ATG7: variants seen among roughly 807,000 people sequenced by gnomAD.
ATG7 encodes ubiquitin-like modifier-activating enzyme ATG7.
In ATG7, 70 loss-of-function variants were observed where a neutral mutation model predicts 82.4. The observed-to-expected ratio is 0.85, with a 90% CI of 0.70 to 1.04. ATG7 has a LOEUF of 1.04. Ranked by LOEUF, ATG7 falls within the 50% of genes least tolerant of loss-of-function variation. The pLI, the probability that ATG7 is intolerant of heterozygous loss-of-function variation, is 0.00. For missense variants in ATG7, 792 were observed against 864.3 expected (o/e 0.92, Z 1.05); for synonymous variants, 287 against 313.0 (o/e 0.92, Z 0.88).
Position 11,555,746 on chromosome 3 carries a change from C to T in ATG7, c.*903C>T, listed in dbSNP as rs1050510603. The T allele has an allele frequency of 6.6e-6, 1 of 152,266 alleles. No individual in the cohort carries two copies. Among genetic ancestry groups the T allele is most frequent in the African/African-American group, 2.4e-5 (1 of 41,378 alleles). The allele number at this position is 152,266 out of a possible 1,614,324, so 9.4% of individuals were successfully genotyped here. On this transcript the variant is annotated 3_prime_UTR_variant, in exon 21 of 21. Transcript: ENST00000693202. ...TTCTGGGTGTGTGCAGCTGTGAGGC[C>T]CCAACCCAGGAGAGGCCATGGCCTA...
intron 19 of ATG7, among the ~76,000 whole-genome samples, chr3:11,382,867 C>T (rs1052731801): frequency 6.6e-6 from 1 of 152,166 alleles, no homozygotes; most frequent in Non-Finnish European, 1.5e-5. Flanking sequence ...ACACTTTACC[C>T]ACATTCATCC....
At chr3:11,355,522 C>G (rs1156700634) in intron 14 of ATG7, among the ~76,000 whole-genome samples, 1 of 152,108 alleles carries the variant, frequency 6.6e-6, no homozygotes. Flanking sequence ...TCAAGACACA[C>G]AAAGCAACTT....
chr3:11,360,596 G>C lies in ATG7; in HGVS notation c.1495G>C (p.Ala499Pro), dbSNP rs2076224569. ...ASKRKLVINAALGFDTFVVMR... is the reference protein window; with the variant it reads ...ASKRKLVINAPLGFDTFVVMR... ...AAACCTGCAGCTGGTCATCAATGCT[G>C]CTTTGGGATTTGACACATTTGTTGT... The change falls in exon 16 of 21, where the codon GCT becomes CCT. Residue 499 changes from alanine (A) to proline (P), a missense_variant. Coordinates refer to ENST00000693202, the MANE Select transcript of ATG7 (RefSeq NM_001349232.2). 1 of 1,613,782 alleles carries C rather than the reference G, an allele frequency of 6.2e-7. No homozygotes were observed. The highest frequency in any genetic ancestry group is 8.5e-7 in the Non-Finnish European group (1 of 1,179,974).
At chr3:11,404,125 AT>A (rs10591303) in intron 19 of ATG7, among the ~76,000 whole-genome samples, 5,318 of 76,734 alleles carry the variant, frequency 0.069, 88 homozygotes, top group African/African-American at 0.13. Context: ...AACCAGCTCA[AT>A]TTTTTTTTTT....
At chr3:11,487,042 G>A (rs1436579469) in intron 20 of ATG7, among the ~76,000 whole-genome samples, 1 of 151,274 alleles carries the variant, frequency 6.6e-6, no homozygotes, top group East Asian at 2.0e-4. Context: ...GACTCTTAAC[G>A]AGCATGCTGC....
chr3:11,491,855 G>T (rs534478223), intron 20 of ATG7, among the ~76,000 whole-genome samples: 1 of 152,140 alleles, frequency 6.6e-6, no homozygotes, highest in African/African-American at 2.4e-5. Context: ...AGGAGTACCC[G>T]GCCGTGTGAG....
chr3:11,438,422 C>T (rs2083561931), intron 20 of ATG7, among the ~76,000 whole-genome samples: 2 of 152,096 alleles, frequency 1.3e-5, no homozygotes, highest in Non-Finnish European at 2.9e-5. Context: ...AGATTTTAGC[C>T]AGGCGTGGTG....
chr3:11,422,503 G>A (rs1040566862), intron 19 of ATG7, among the ~76,000 whole-genome samples: 8 of 152,112 alleles, frequency 5.3e-5, no homozygotes, highest in Non-Finnish European at 1.0e-4. Flanking sequence ...GCTTTGCTCT[G>A]GATTGGGCTT....
chr3:11,503,389 A>G (rs1303026794), intron 20 of ATG7, among the ~76,000 whole-genome samples: 2 of 152,252 alleles, frequency 1.3e-5, no homozygotes, highest in African/African-American at 4.8e-5. Flanking sequence ...GTAAGAACAT[A>G]TAATATGTAC....
intron 20 of ATG7, among the ~76,000 whole-genome samples, chr3:11,544,873 C>T (rs1661469088): frequency 6.6e-6 from 1 of 152,210 alleles, no homozygotes; most frequent in African/African-American, 2.4e-5. Context: ...GGTGACCAGA[C>T]AGACCAGGCC....
At chr3:11,350,535 A>T (rs1360705131) in intron 14 of ATG7, among the ~76,000 whole-genome samples, 1 of 152,212 alleles carries the variant, frequency 6.6e-6, no homozygotes. Flanking sequence ...AGGAACAGTC[A>T]TGTGGGTCCT....
chr3:11,543,308 G>C (rs2125033481), intron 20 of ATG7, among the ~76,000 whole-genome samples: 1 of 152,322 alleles, frequency 6.6e-6, no homozygotes, highest in Non-Finnish European at 1.5e-5. Flanking sequence ...GTGCTCTCTG[G>C]ACTGGCAGCA....
At position 11,313,298 on chromosome 3, in the gene ATG7, T is replaced by C. The variant is rs908281343; in HGVS notation, c.412-6T>C. On this transcript the variant is annotated splice_region_variant and splice_polypyrimidine_tract_variant and intron_variant, in intron 7 of 20. Coordinates refer to ENST00000693202, the MANE Select transcript of ATG7 (RefSeq NM_001349232.2). ...TCTAATAACTTATTTATACTTTTTT[T>C]TCTAGGATCTAAAGAAGTACCACTT... The C allele has an allele frequency of 9.6e-6, 15 of 1,561,762 alleles. No homozygotes were observed. Among genetic ancestry groups the C allele is most frequent in the Non-Finnish European group, 1.3e-5 (15 of 1,139,974 alleles).
chr3:11,539,474 T>TGGAAGGAACA (rs2070641280), intron 20 of ATG7, among the ~76,000 whole-genome samples: 1 of 152,014 alleles, frequency 6.6e-6, no homozygotes, highest in South Asian at 2.1e-4. Context: ...AAGGTTGGGC[T>TGGAAGGAACA]GGAAGGATTC....
chr3:11,389,575 T>C (rs1193081567), intron 19 of ATG7, among the ~76,000 whole-genome samples: 1 of 152,146 alleles, frequency 6.6e-6, no homozygotes, highest in African/African-American at 2.4e-5. Context: ...AAATACCGCC[T>C]GTGTGGGCCT....
At chr3:11,490,287 T>C (rs2090205650) in intron 20 of ATG7, among the ~76,000 whole-genome samples, 1 of 152,234 alleles carries the variant, frequency 6.6e-6, no homozygotes, top group Non-Finnish European at 1.5e-5. Context: ...GAGACTAGGA[T>C]TGCAACCCCT....
At chr3:11,411,035 C>T (rs187583816) in intron 19 of ATG7, among the ~76,000 whole-genome samples, 1 of 152,190 alleles carries the variant, frequency 6.6e-6, no homozygotes, top group African/African-American at 2.4e-5. Flanking sequence ...TTTATGGTGG[C>T]TGCAGCATGT....
At chr3:11,301,832 T>G (rs1451613220) in intron 5 of ATG7, among the ~76,000 whole-genome samples, 1 of 152,220 alleles carries the variant, frequency 6.6e-6, no homozygotes, top group Non-Finnish European at 1.5e-5. Flanking sequence ...ACTCCTATCC[T>G]TATCCTTCTA....
intron 20 of ATG7, among the ~76,000 whole-genome samples, chr3:11,501,851 G>A (rs527868699): frequency 9.2e-5 from 14 of 152,096 alleles, no homozygotes; most frequent in South Asian, 6.2e-4. Flanking sequence ...CACCACATCC[G>A]GCTAATTTTT....
Sources: gnomAD v4.1 joint callset for allele counts (sites outside exome capture counted in the v4.1 genomes callset) on GRCh38, gnomAD v4.1.1 for gene constraint, MANE v1.5 for transcripts, NCBI Gene and HGNC (gene_info 2026-07-23, HGNC 2026-07-21) for gene names.